ZFP1: variants seen among roughly 807,000 people sequenced by gnomAD.
The protein encoded by ZFP1 is zinc finger protein 1 homolog.
A neutral mutation model predicts 38.5 loss-of-function variants in ZFP1; 32 were observed. The observed-to-expected ratio is 0.83, with a 90% CI of 0.63 to 1.12. The LOEUF (loss-of-function observed/expected upper bound fraction) is 1.12. Ranked by LOEUF, ZFP1 falls within the 50% of genes most tolerant of loss-of-function variation. The pLI is 0.00. For missense variants in ZFP1, 616 were observed against 480.8 expected (o/e 1.28, Z -2.63); for synonymous variants, 245 against 168.8 (o/e 1.45, Z -3.50).
chr16:75,150,930 C>G (rs975113868), intron 1 of ZFP1, among the ~76,000 whole-genome samples: 1 of 152,140 alleles, frequency 6.6e-6, no homozygotes. Context: ...CCTCAGCCTC[C>G]CGAGTAGCTA....
intron 3 of ZFP1, among the ~76,000 whole-genome samples, chr16:75,167,240 A>G (rs907874081): frequency 6.6e-6 from 1 of 152,238 alleles, no homozygotes; most frequent in Non-Finnish European, 1.5e-5. Flanking sequence ...AGCCAGTGGA[A>G]TTAGTATCCA....
chr16:75,154,498 T>C (rs1010711375), intron 2 of ZFP1, among the ~76,000 whole-genome samples: 3 of 151,690 alleles, frequency 2.0e-5, no homozygotes, highest in African/African-American at 7.3e-5. Flanking sequence ...ATTAATTTTG[T>C]AAGAAACTGC....
chr16:75,130,074 G>A, the ZFP1 span, among the ~76,000 whole-genome samples: 1 of 152,154 alleles, frequency 6.6e-6, no homozygotes, highest in Non-Finnish European at 1.5e-5. Flanking sequence ...TCGGCTCACT[G>A]CAACCTCCAC....
At chr16:75,130,038 C>CCAAGCTGGAGTGCAGTGGCG in the ZFP1 span, among the ~76,000 whole-genome samples, 1 of 152,048 alleles carries the variant, frequency 6.6e-6, no homozygotes, top group Admixed American at 6.6e-5. Flanking sequence ...ACTCTGTCGC[C>CCAAGCTGGAGTGCAGTGGCG]CAAGCTGGAG....
the ZFP1 span, among the ~76,000 whole-genome samples, chr16:75,120,767 TTTTGTTTG>T: frequency 1.5e-4 from 23 of 150,028 alleles, no homozygotes; most frequent in East Asian, 2.0e-3. Context: ...CCAGCTTGTT[TTTTGTTTG>T]TTTGTTTGTT....
chr16:75,134,700 A>G, the ZFP1 span, among the ~76,000 whole-genome samples: 2 of 149,922 alleles, frequency 1.3e-5, no homozygotes. Flanking sequence ...GCAGTGAGCC[A>G]AGATCGCACC....
intron 2 of ZFP1, among the ~76,000 whole-genome samples, chr16:75,161,364 C>T (rs955177945): frequency 5.9e-5 from 9 of 151,884 alleles, no homozygotes; most frequent in South Asian, 2.1e-4. Flanking sequence ...CCACTGCGCC[C>T]GGCCAACAAC....
rs887610957 is a variant in ZFP1 at position 75,170,446 on chromosome 16, T to C, written c.*112T>C. 3 of 1,376,046 alleles carry C rather than the reference T, an allele frequency of 2.2e-6. No individual in the cohort carries two copies. The highest frequency in any genetic ancestry group is 2.9e-5 in the African/African-American group (2 of 69,222). The allele number at this position is 1,376,046 out of a possible 1,614,324, so 85.2% of individuals were successfully genotyped here. On this transcript the variant is annotated 3_prime_UTR_variant, in exon 4 of 4. Coordinates refer to ENST00000570010, the MANE Select transcript of ZFP1 (RefSeq NM_153688.4). The stretch of plus-strand genomic sequence containing the variant: ...GGAATTCATACTGAGATGCAATCTC[T>C]CAACTCAAAAATGTATTAAAAATAG...
At chr16:75,145,065 A>C (rs531255941), upstream of ZFP1, among the ~76,000 whole-genome samples, 2 of 152,238 alleles carry the variant, frequency 1.3e-5, no homozygotes, top group Non-Finnish European at 2.9e-5. Context: ...TCATTCTTTG[A>C]TATGGCTGAA....
At chr16:75,153,841 A>G (rs966909697) in intron 2 of ZFP1, among the ~76,000 whole-genome samples, 8 of 152,106 alleles carry the variant, frequency 5.3e-5, no homozygotes, top group Non-Finnish European at 8.8e-5. Context: ...TGCTCCGCCT[A>G]TGCACCTCTC....
At chr16:75,146,430 G>A (rs957265108), upstream of ZFP1, among the ~76,000 whole-genome samples, 3 of 151,912 alleles carry the variant, frequency 2.0e-5, no homozygotes, top group African/African-American at 2.4e-5. Flanking sequence ...GCCTCCCAAA[G>A]TGCTGGGATT....
chr16:75,137,917 T>C, the ZFP1 span, among the ~76,000 whole-genome samples: 1 of 151,572 alleles, frequency 6.6e-6, no homozygotes, highest in Non-Finnish European at 1.5e-5. Context: ...AATAAATGAT[T>C]GAATACATTA....
At chr16:75,167,209 C>T (rs763318696) in intron 3 of ZFP1, among the ~76,000 whole-genome samples, 4 of 152,092 alleles carry the variant, frequency 2.6e-5, no homozygotes, top group Admixed American at 6.5e-5. Flanking sequence ...GGAGATAGGA[C>T]GGGAGAGAGG....
At chr16:75,156,315 G>A (rs565136402) in intron 2 of ZFP1, among the ~76,000 whole-genome samples, 4 of 152,128 alleles carry the variant, frequency 2.6e-5, no homozygotes, top group African/African-American at 9.6e-5. Flanking sequence ...AAATTAGCCG[G>A]GCGTGGTAGC....
the ZFP1 span, among the ~76,000 whole-genome samples, chr16:75,121,062 G>T: frequency 6.6e-6 from 1 of 152,156 alleles, no homozygotes; most frequent in African/African-American, 2.4e-5. Flanking sequence ...GGAGACCCAG[G>T]ATTCAGTGTG....
chr16:75,122,025 A>G, the ZFP1 span, among the ~76,000 whole-genome samples: 1 of 145,950 alleles, frequency 6.9e-6, no homozygotes, highest in Non-Finnish European at 1.5e-5. Flanking sequence ...TGCTTGTGTA[A>G]GCTTGTTAGA....
the ZFP1 span, among the ~76,000 whole-genome samples, chr16:75,124,739 A>G: frequency 7.1e-6 from 1 of 141,224 alleles, no homozygotes; most frequent in Non-Finnish European, 1.5e-5. Flanking sequence ...GCGAGCTGAG[A>G]TGGTGCCACT....
the ZFP1 span, among the ~76,000 whole-genome samples, chr16:75,141,840 C>T: frequency 6.6e-6 from 1 of 150,690 alleles, no homozygotes; most frequent in South Asian, 2.1e-4. Context: ...CATTTGAGGT[C>T]AGGAGTTCAA....
chr16:75,127,920 T>A, the ZFP1 span: 1 of 152,270 alleles, frequency 6.6e-6, no homozygotes, highest in Non-Finnish European at 1.5e-5. Context: ...TGTTTCTCTC[T>A]ACCTGATTTC....
Sources: allele counts gnomAD v4.1 joint callset (sites outside exome capture counted in the v4.1 genomes callset), GRCh38; gene constraint gnomAD v4.1.1; transcripts MANE v1.5; gene names NCBI Gene and HGNC (gene_info 2026-07-23, HGNC 2026-07-21).